The following ATP8A2 variants were observed in gnomAD, a reference collection of about 807,000 sequenced individuals.
ATP8A2 encodes phospholipid-transporting ATPase IB.
ATP8A2 carries 100 observed loss-of-function variants against 165.6 expected under a neutral mutation model. The ratio of observed to expected loss-of-function variants is 0.60; its 90% CI spans 0.51 to 0.71. The LOEUF is 0.71. Among genes scored for constraint, ATP8A2 ranks in the 30% least tolerant of loss-of-function variants. The probability of loss-of-function intolerance (pLI) is 0.00; values close to 1 mark genes in which losing one functional copy is unlikely to be tolerated. For missense variants in ATP8A2, 1,227 were observed against 1,479.5 expected (o/e 0.83, Z 2.80); for synonymous variants, 543 against 548.8 (o/e 0.99, Z 0.15).
chr13:25,651,481 T>G (rs1010702447), intron 24 of ATP8A2, among the ~76,000 whole-genome samples: 10 of 152,066 alleles, frequency 6.6e-5, no homozygotes, highest in Admixed American at 5.9e-4. Context: ...TTCTTAGAAG[T>G]CAGGCTGTTA....
At chr13:25,462,748 A>C (rs2035537119) in intron 1 of ATP8A2, among the ~76,000 whole-genome samples, 1 of 152,072 alleles carries the variant, frequency 6.6e-6, no homozygotes, top group Non-Finnish European at 1.5e-5. Context: ...GCTGGACCCC[A>C]TTCTTAAACC....
At position 25,404,412 on chromosome 13, in the gene ATP8A2, T is replaced by C. The variant is rs572310137; in HGVS notation, c.76+32124T>C. 2.0e-4 allele frequency among the ~76,000 whole-genome samples: 31 copies of C among 152,058 alleles called. No individual in the cohort carries two copies. In the East Asian group the frequency reaches 3.1e-3, roughly 15 times the overall value. ...TCACCTGCAGGGTGGTGAAGATCCT[T>C]TGGAGGATGTGACCGTGCCACAATG... On this transcript the variant is annotated intron_variant, in intron 1 of 36. Transcript: ENST00000381655.
intron 1 of ATP8A2, among the ~76,000 whole-genome samples, chr13:25,381,048 T>C (rs1241942210): frequency 1.3e-5 from 2 of 152,204 alleles, no homozygotes; most frequent in East Asian, 3.8e-4. Flanking sequence ...GGAAATACCA[T>C]TATATTTCTT....
At chr13:25,409,112 A>G (rs1442051906) in intron 1 of ATP8A2, among the ~76,000 whole-genome samples, 2 of 152,120 alleles carry the variant, frequency 1.3e-5, no homozygotes, top group Non-Finnish European at 2.9e-5. Flanking sequence ...GCAAACAACA[A>G]TTTCTGAAAA....
In ATP8A2 at chr13:25,555,017, T is replaced by G. The variant is rs562835528; in HGVS notation, c.1212T>G (p.Asn404Lys). ...NWDTDMYYIG[N>K]DTPAMARTSN... Reference sequence around the variant, plus strand: ...ACACAGATATGTATTATATAGGAAATGACACTCCTGCCATGGCCAGGACAT... The same window carrying G: ...ACACAGATATGTATTATATAGGAAAGGACACTCCTGCCATGGCCAGGACAT... Residue 404 changes from asparagine (N) to lysine (K), a missense_variant, in exon 13 of 37, where the codon AAT becomes AAG. Around this residue, in one of 5 missense-constraint regions of ATP8A2, gnomAD observed 592 missense variants for 785.6 expected, o/e 0.75. Coordinates refer to ENST00000381655, the MANE Select transcript of ATP8A2 (RefSeq NM_016529.6). 6.2e-6 allele frequency: 10 copies of G among 1,612,106 alleles called. No individual in the cohort carries two copies. The highest frequency in any genetic ancestry group is 8.5e-6 in the Non-Finnish European group (10 of 1,178,444).
intron 2 of ATP8A2, among the ~76,000 whole-genome samples, chr13:25,525,847 T>TTCAG (rs1481050426): frequency 2.6e-5 from 4 of 152,172 alleles, no homozygotes; most frequent in Admixed American, 1.3e-4. Context: ...GTTTATCTCT[T>TTCAG]TCTCAAGTTT....
chr13:25,938,325 T>C lies in ATP8A2; in HGVS notation c.3184-23250T>C, dbSNP rs370529436. Among the ~76,000 whole-genome samples, 6 of 152,308 alleles carry C rather than the reference T, an allele frequency of 3.9e-5. No individual in the cohort carries two copies. In the East Asian group the frequency reaches 1.2e-3, roughly 29 times the overall value. ...CAGCATGATATTCAGCTTGGAAATA[T>C]GCGGGAGAATACGACAGGGAATACC... On this transcript the variant is annotated intron_variant, in intron 33 of 36. Transcript: ENST00000381655.
chr13:25,579,589 C>T (rs2039712536), intron 21 of ATP8A2, among the ~76,000 whole-genome samples: 3 of 152,148 alleles, frequency 2.0e-5, no homozygotes, highest in African/African-American at 2.4e-5. Context: ...TCTGACTTCT[C>T]GCGCACTCTC....
At chr13:25,904,704 TC>T (rs1437683624) in intron 33 of ATP8A2, among the ~76,000 whole-genome samples, 6 of 152,178 alleles carry the variant, frequency 3.9e-5, no homozygotes, top group South Asian at 4.1e-4. Flanking sequence ...TCCTCACATC[TC>T]CCCCCGGTAA....
chr13:25,865,677 A>G (rs988369381), intron 33 of ATP8A2, among the ~76,000 whole-genome samples: 4 of 152,200 alleles, frequency 2.6e-5, no homozygotes, highest in Admixed American at 6.5e-5. Flanking sequence ...TCACCTCATG[A>G]CATGGTATGT....
intron 16 of ATP8A2, among the ~76,000 whole-genome samples, chr13:25,566,422 T>G (rs915618501): frequency 5.9e-5 from 9 of 152,228 alleles, no homozygotes; most frequent in African/African-American, 2.2e-4. Context: ...AAGTGTACTT[T>G]GAGCACTCGA....
At position 25,876,768 on chromosome 13, in the gene ATP8A2, A is replaced by G. The variant is rs531064428; in HGVS notation, c.3183+14360A>G. On this transcript the variant is annotated intron_variant, in intron 33 of 36. Coordinates refer to ENST00000381655, the MANE Select transcript of ATP8A2 (RefSeq NM_016529.6). ...CGTTTAAAATGAATCCTTAATAAGA[A>G]AAAGGAATAAGCCTTTGTCTGGAAT... 2.6e-5 allele frequency among the ~76,000 whole-genome samples: 4 copies of G among 152,372 alleles called. No individual in the cohort carries two copies. In the South Asian group the frequency reaches 6.2e-4, roughly 24 times the overall value.
chr13:25,853,363 G>A (rs901321918), intron 30 of ATP8A2, among the ~76,000 whole-genome samples: 1 of 143,306 alleles, frequency 7.0e-6, no homozygotes, highest in African/African-American at 2.6e-5. Flanking sequence ...CTGCACTCCA[G>A]CCTGGTGACA....
At chr13:26,002,882 G>GTGTGTT (rs1956662633) in intron 35 of ATP8A2, among the ~76,000 whole-genome samples, 1 of 149,012 alleles carries the variant, frequency 6.7e-6, no homozygotes, top group Admixed American at 6.7e-5. Context: ...GTGTGTGTGT[G>GTGTGTT]TGTGTGTGTG....
intron 16 of ATP8A2, among the ~76,000 whole-genome samples, chr13:25,565,174 C>T: frequency 6.6e-6 from 1 of 152,170 alleles, no homozygotes. Context: ...GTTGGTTCCA[C>T]AATTCACAGT....
intron 35 of ATP8A2, among the ~76,000 whole-genome samples, chr13:25,985,769 C>T (rs188167030): frequency 6.6e-6 from 1 of 152,332 alleles, no homozygotes; most frequent in East Asian, 1.9e-4. Context: ...TTACTGTTCA[C>T]CATGCTGGAA....
At chr13:25,689,209 A>T (rs2042670719) in intron 24 of ATP8A2, among the ~76,000 whole-genome samples, 1 of 152,222 alleles carries the variant, frequency 6.6e-6, no homozygotes, top group Non-Finnish European at 1.5e-5. Context: ...AAGTTTTAGC[A>T]CGTGTTTTAA....
At chr13:25,920,956 G>C (rs1954433352) in intron 33 of ATP8A2, among the ~76,000 whole-genome samples, 1 of 152,028 alleles carries the variant, frequency 6.6e-6, no homozygotes, top group South Asian at 2.1e-4. Flanking sequence ...TATAGTTCTG[G>C]CTACTCGGGA....
intron 25 of ATP8A2, among the ~76,000 whole-genome samples, chr13:25,751,108 C>T (rs574361622): frequency 3.9e-5 from 6 of 152,176 alleles, no homozygotes; most frequent in Non-Finnish European, 8.8e-5. Flanking sequence ...TTTCCTGATT[C>T]TCCTACAAGG....
Sources: gnomAD v4.1 joint callset for allele counts (sites outside exome capture counted in the v4.1 genomes callset) on GRCh38, gnomAD v4.1.1 for gene constraint, gnomAD v4.1.1 regional missense constraint, MANE v1.5 for transcripts, NCBI Gene and HGNC (gene_info 2026-07-23, HGNC 2026-07-21) for gene names.